RBFOX1: variants seen among roughly 807,000 people sequenced by gnomAD.
The protein encoded by RBFOX1 is RNA binding fox-1 homolog 1.
A neutral mutation model predicts 57.7 loss-of-function variants in RBFOX1; 8 were observed. The observed-to-expected ratio is 0.14, with a 90% CI of 0.08 to 0.25. The LOEUF is 0.25. Ranked by LOEUF, RBFOX1 falls within the 10% of genes least tolerant of loss-of-function variation. The pLI, the probability that RBFOX1 is intolerant of heterozygous loss-of-function variation, is 1.00. For synonymous variants in RBFOX1, 326 were observed against 222.4 expected (o/e 1.47, Z -4.15); for missense variants, 611 against 548.5 (o/e 1.11, Z -1.14).
chr16:7,218,841 T>G (rs1163080856), intron 4 of RBFOX1, among the ~76,000 whole-genome samples: 2 of 152,098 alleles, frequency 1.3e-5, no homozygotes, highest in Non-Finnish European at 2.9e-5. Flanking sequence ...CTGCTACATT[T>G]TGGTGGACTT....
At chr16:6,557,370 C>T (rs545878555) in intron 2 of RBFOX1, among the ~76,000 whole-genome samples, 5 of 152,062 alleles carry the variant, frequency 3.3e-5, no homozygotes, top group African/African-American at 1.2e-4. Flanking sequence ...AAGAATTATA[C>T]TCAAATCGTA....
intron 2 of RBFOX1, among the ~76,000 whole-genome samples, chr16:6,596,924 C>T (rs964544580): frequency 6.6e-6 from 1 of 152,160 alleles, no homozygotes; most frequent in Non-Finnish European, 1.5e-5. Flanking sequence ...TACACACACA[C>T]AGCATTAAGT....
intron 13 of RBFOX1, among the ~76,000 whole-genome samples, chr16:7,665,680 TGAC>T (rs893405232): frequency 2.6e-5 from 4 of 152,172 alleles, no homozygotes; most frequent in African/African-American, 9.7e-5. Flanking sequence ...ATATGAGCAT[TGAC>T]GATATGAAAA....
chr16:6,230,144 G>C (rs1480838944), intron 1 of RBFOX1, among the ~76,000 whole-genome samples: 1 of 152,070 alleles, frequency 6.6e-6, no homozygotes, highest in African/African-American at 2.4e-5. Context: ...AGAGCAAATA[G>C]CTTTTCCCTT....
chr16:6,903,514 G>A (rs1178965987), intron 3 of RBFOX1, among the ~76,000 whole-genome samples: 2 of 152,188 alleles, frequency 1.3e-5, no homozygotes, highest in Non-Finnish European at 2.9e-5. Context: ...AATACATGAT[G>A]TGGGGGAAGC....
chr16:6,816,985 C>T (rs775400942), intron 3 of RBFOX1, among the ~76,000 whole-genome samples: 7 of 152,120 alleles, frequency 4.6e-5, no homozygotes, highest in Admixed American at 1.3e-4. Flanking sequence ...TGTGCTCAAG[C>T]GATCCCACTG....
intron 4 of RBFOX1, among the ~76,000 whole-genome samples, chr16:7,486,042 G>A (rs541916882): frequency 8.4e-4 from 127 of 150,842 alleles, no homozygotes; most frequent in Non-Finnish European, 1.6e-3. Flanking sequence ...CACAATTTCT[G>A]ATCCTTCTTC....
At chr16:6,380,351 C>A (rs2091667145) in intron 2 of RBFOX1, among the ~76,000 whole-genome samples, 1 of 146,864 alleles carries the variant, frequency 6.8e-6, no homozygotes, top group Non-Finnish European at 1.5e-5. Flanking sequence ...GGCTGAAGAC[C>A]CCTCCCCAAC....
chr16:6,491,792 C>A (rs1175286162), intron 2 of RBFOX1, among the ~76,000 whole-genome samples: 1 of 152,168 alleles, frequency 6.6e-6, no homozygotes, highest in Non-Finnish European at 1.5e-5. Context: ...AAATTTGAAG[C>A]TTTGAGGCTT....
At chr16:5,615,987 G>C (rs1488747748) in intron 3 of RBFOX1, 2 of 152,290 alleles carry the variant, frequency 1.3e-5, no homozygotes, top group East Asian at 3.8e-4. Context: ...CAGGAAGCAT[G>C]GTTTGAACCT....
chr16:6,666,336 C>G (rs963691068), intron 3 of RBFOX1, among the ~76,000 whole-genome samples: 1 of 152,068 alleles, frequency 6.6e-6, no homozygotes, highest in East Asian at 1.9e-4. Flanking sequence ...GAGTTTGAAA[C>G]CAGCCTGGCC....
In RBFOX1 at chr16:7,071,587, ATGTGTGTGTGTGTG is replaced by A. The variant is rs60039723; in HGVS notation, c.27+19507_27+19520del. Among the ~76,000 whole-genome samples the A allele has an allele frequency of 2.7e-5, 4 of 147,952 alleles. No individual in the cohort carries two copies. In the East Asian group the frequency reaches 8.0e-4, roughly 30 times the overall value. On this transcript the variant is annotated intron_variant, in intron 4 of 15. Transcript: ENST00000550418. ...GACCCCAACACTAATTTGCCCAGAT[ATGTGTGTGTGTGTG>A]TGTGTGTGTGTGTGTGTTTGTCTGT... is the stretch of plus-strand genomic sequence containing the variant.
intron 4 of RBFOX1, among the ~76,000 whole-genome samples, chr16:7,504,070 T>TA (rs1416906082): frequency 6.6e-6 from 1 of 152,128 alleles, no homozygotes. Context: ...TATTTGAAAA[T>TA]AAAAAATTAA....
intron 4 of RBFOX1, among the ~76,000 whole-genome samples, chr16:5,940,410 G>A (rs1259676830): frequency 1.3e-5 from 2 of 152,282 alleles, no homozygotes; most frequent in African/African-American, 4.8e-5. Flanking sequence ...CTGTGTGGTG[G>A]CAAAAGGGAA....
In RBFOX1 at chr16:6,431,974, G is replaced by T. The variant is rs7186590; in HGVS notation, c.-64+114917G>T. Among the ~76,000 whole-genome samples the T allele has an allele frequency of 0.013, 1,383 of 107,600 alleles. 37 individuals are homozygous for T. The East Asian group carries it at 0.15, about 12-fold the overall frequency. The allele number at this position is 107,600 out of a possible 152,430, so 70.6% of individuals were successfully genotyped here. A position where few individuals can be genotyped will look rare whatever the true frequency, so the allele number is the denominator to read the frequency against. On this transcript the variant is annotated intron_variant, in intron 2 of 15. Coordinates refer to ENST00000550418, the MANE Select transcript of RBFOX1 (RefSeq NM_018723.4). The stretch of plus-strand genomic sequence containing the variant: ...CTTTCTTTCTTTCTTTTTCTTTTTT[G>T]AAATAGAGACAGGGTCATATTCTAT...
intron 4 of RBFOX1, among the ~76,000 whole-genome samples, chr16:5,998,583 G>T (rs948433151): frequency 6.6e-6 from 1 of 152,136 alleles, no homozygotes; most frequent in African/African-American, 2.4e-5. Context: ...GATCAAAGCT[G>T]AGGGGCTTTC....
At chr16:6,344,816 G>T (rs969669459) in intron 2 of RBFOX1, among the ~76,000 whole-genome samples, 1 of 147,068 alleles carries the variant, frequency 6.8e-6, no homozygotes, top group Admixed American at 7.0e-5. Flanking sequence ...TCAGCCTCCC[G>T]AGTGGCTAGG....
intron 1 of RBFOX1, among the ~76,000 whole-genome samples, chr16:6,261,293 T>C (rs565402376): frequency 1.1e-4 from 16 of 152,296 alleles, no homozygotes; most frequent in Non-Finnish European, 1.5e-4. Flanking sequence ...CCAAAATCAG[T>C]GTCTTTGAGT....
chr16:6,952,986 A>T (rs2081068269), intron 3 of RBFOX1, among the ~76,000 whole-genome samples: 1 of 152,092 alleles, frequency 6.6e-6, no homozygotes, highest in Non-Finnish European at 1.5e-5. Flanking sequence ...AAGAAAAAAA[A>T]ATTGTCATTG....
Sources: gnomAD v4.1 joint callset for allele counts (sites outside exome capture counted in the v4.1 genomes callset) on GRCh38, gnomAD v4.1.1 for gene constraint, MANE v1.5 for transcripts, NCBI Gene and HGNC (gene_info 2026-07-23, HGNC 2026-07-21) for gene names.